ZNF251: variants seen among roughly 807,000 people sequenced by gnomAD.
ZNF251 encodes zinc finger protein 251.
A neutral mutation model predicts 13.5 loss-of-function variants in ZNF251; 14 were observed. That is an observed-to-expected ratio of 1.04 (90% confidence interval 0.69 to 1.63). ZNF251 has a LOEUF of 1.63. Ranked by LOEUF, ZNF251 falls within the 40% of genes most tolerant of loss-of-function variation. The pLI is 0.00. For synonymous variants in ZNF251, 287 were observed against 295.2 expected (o/e 0.97, Z 0.28); for missense variants, 764 against 834.9 (o/e 0.92, Z 1.05).
intron 4 of ZNF251, among the ~76,000 whole-genome samples, chr8:144,736,305 C>T (rs891501043): frequency 1.3e-5 from 2 of 152,118 alleles, no homozygotes; most frequent in Admixed American, 1.3e-4. Flanking sequence ...GACAATTACC[C>T]TTTTACTACT....
At chr8:144,737,567 A>T (rs184056089) in intron 4 of ZNF251, among the ~76,000 whole-genome samples, 2 of 151,626 alleles carry the variant, frequency 1.3e-5, no homozygotes, top group East Asian at 1.9e-4. Context: ...AGTGGCTCAC[A>T]CCTGTAATCC....
At chr8:144,732,484 A>AACT (rs1162687636) in intron 4 of ZNF251, among the ~76,000 whole-genome samples, 1 of 152,162 alleles carries the variant, frequency 6.6e-6, no homozygotes, top group Non-Finnish European at 1.5e-5. Flanking sequence ...CACGATTGAC[A>AACT]GGTCATGGTA....
In ZNF251 at chr8:144,721,410, A is replaced by G. The variant is rs566503391; in HGVS notation, c.*234T>C. Reference sequence around the variant, plus strand: ...CCATTCGTCATGAGTATCCGGATACAGCACCACACGGTTCAACTCCTGAGC... The same window carrying G: ...CCATTCGTCATGAGTATCCGGATACGGCACCACACGGTTCAACTCCTGAGC... On this transcript the variant is annotated 3_prime_UTR_variant, in exon 5 of 5. Transcript: ENST00000292562. 5.6e-4 allele frequency: 240 copies of G among 429,372 alleles called. No homozygotes were observed. The highest frequency in any genetic ancestry group is 7.9e-4 in the Admixed American group (18 of 22,870). 26.6% of individuals were successfully genotyped at this position (429,372 alleles called of 1,614,324 possible).
chr8:144,732,107 T>A (rs1450541880), intron 4 of ZNF251, among the ~76,000 whole-genome samples: 3 of 151,934 alleles, frequency 2.0e-5, no homozygotes, highest in Admixed American at 6.6e-5. Context: ...CACGCCTGGC[T>A]AATTTTTTTA....
rs752277991 is a variant in ZNF251, at chr8:144,723,281, T to C, written c.379A>G (p.Asn127Asp). The change falls in exon 5 of 5, where the codon AAT becomes GAT. Residue 127 changes from asparagine to aspartate, a missense_variant. By Grantham distance (23) the Asn-to-Asp change is conservative (BLOSUM62 1). Transcript: ENST00000292562. The stretch of plus-strand genomic sequence containing the variant: ...TCCCGAAACTCAGCGGCCTGTGCAT[T>C]ATCCCTTAAGAGTCTTCTTGATACA... ...EFVSRRLLRDNAQAAEFREAW... is the reference protein window; with the variant it reads ...EFVSRRLLRDDAQAAEFREAW... The C allele has an allele frequency of 2.9e-5, 47 of 1,610,358 alleles. No homozygotes were observed. Among genetic ancestry groups the C allele is most frequent in the East Asian group, 4.5e-5 (2 of 44,882 alleles).
chr8:144,734,593 T>G lies in ZNF251; in HGVS notation c.278-11211A>C, dbSNP rs1047389843. 2.6e-5 allele frequency among the ~76,000 whole-genome samples: 4 copies of G among 152,104 alleles called. No individual in the cohort carries two copies. The highest frequency in any genetic ancestry group is 9.7e-5 in the African/African-American group (4 of 41,416). On this transcript the variant is annotated intron_variant, in intron 4 of 4. Coordinates refer to ENST00000292562, the MANE Select transcript of ZNF251 (RefSeq NM_138367.2). This position sits in a 1 kb window ranked among gnomAD's most constrained non-coding sequence, Gnocchi z 4.4. ...GGCGCTGGTGGGTGCTGACCCTGGG[T>G]CAGTGACCTCCCACAGAGGTCACTG...
chr8:144,736,039 G>T (rs1376579612), intron 4 of ZNF251, among the ~76,000 whole-genome samples: 6 of 152,174 alleles, frequency 3.9e-5, no homozygotes, highest in Non-Finnish European at 7.3e-5. Context: ...CCTGGACTAA[G>T]AACCGGACCC....
intron 1 of ZNF251, 84 bp downstream of exon 1, chr8:144,755,321 G>T: frequency 7.8e-7 from 1 of 1,281,004 alleles, no homozygotes; most frequent in Non-Finnish European, 1.0e-6. Flanking sequence ...CTCCTGGACT[G>T]GCCGCCGCCT....
Position 144,753,274 on chromosome 8 carries a change from GAAAAAAAAAAAAA to G in ZNF251, c.277+396_277+408del, listed in dbSNP as rs11336657. On this transcript the variant is annotated intron_variant, in intron 4 of 4. Coordinates refer to ENST00000292562, the MANE Select transcript of ZNF251 (RefSeq NM_138367.2). The stretch of plus-strand genomic sequence containing the variant: ...TGGTGACAGAGTGAGATTCTGTCTC[GAAAAAAAAAAAAA>G]AAAAAAAAAAAAGACTACTACTGAC... Among the ~76,000 whole-genome samples, 14 of 41,834 alleles carry G rather than the reference GAAAAAAAAAAAAA, an allele frequency of 3.3e-4. No homozygotes were observed. In the East Asian group the frequency reaches 6.1e-3, roughly 18 times the overall value. 27.4% of individuals were successfully genotyped at this position (41,834 alleles called of 152,430 possible). A position where few individuals can be genotyped will look rare whatever the true frequency, so the allele number is the denominator to read the frequency against.
chr8:144,727,969 C>T (rs1271542233), intron 4 of ZNF251, among the ~76,000 whole-genome samples: 3 of 152,158 alleles, frequency 2.0e-5, no homozygotes, highest in Non-Finnish European at 2.9e-5. Context: ...TGATCCACCA[C>T]GCCTGAAGAA....
chr8:144,724,625 A>G (rs1823467386), intron 4 of ZNF251, among the ~76,000 whole-genome samples: 1 of 152,212 alleles, frequency 6.6e-6, no homozygotes, highest in South Asian at 2.1e-4. Context: ...TGAAATGACT[A>G]CAATGATGCT....
In ZNF251 at chr8:144,754,420, G is replaced by C. The variant is rs1178990304; in HGVS notation, c.34-99C>G. On this transcript the variant is annotated intron_variant, in intron 2 of 4. Coordinates refer to ENST00000292562, the MANE Select transcript of ZNF251 (RefSeq NM_138367.2). ...GTGGGGCCCCACTACCCAGGGCCCT[G>C]CTGTGGTCAGTATGAACTGTGTATC... is the stretch of plus-strand genomic sequence containing the variant. 17 of 1,463,194 alleles carry C rather than the reference G, an allele frequency of 1.2e-5. No homozygotes were observed. The South Asian group carries it at 2.3e-4, about 20-fold the overall frequency. The allele number at this position is 1,463,194 out of a possible 1,614,324, so 90.6% of individuals were successfully genotyped here. A position where few individuals can be genotyped will look rare whatever the true frequency, so the allele number is the denominator to read the frequency against.
rs771541843 is a variant in ZNF251 at position 144,754,328 on chromosome 8, C to A, written c.34-7G>T. The A allele has an allele frequency of 6.3e-7, 1 of 1,599,084 alleles. No homozygotes were observed. Among genetic ancestry groups the A allele is most frequent in the Non-Finnish European group, 8.5e-7 (1 of 1,172,874 alleles). The stretch of plus-strand genomic sequence containing the variant: ...GGAAGGTCAGCGGCATCTCCTGCAA[C>A]AAAACATCGCCGCTGCCCAGGCCAT... On this transcript the variant is annotated splice_polypyrimidine_tract_variant and splice_region_variant and intron_variant, in intron 2 of 4. Coordinates refer to ENST00000292562, the MANE Select transcript of ZNF251 (RefSeq NM_138367.2).
chr8:144,749,925 C>T (rs1824615673), intron 4 of ZNF251, among the ~76,000 whole-genome samples: 1 of 148,972 alleles, frequency 6.7e-6, no homozygotes, highest in South Asian at 2.1e-4. Context: ...CGCTATGCTG[C>T]CTAGGCTGGC....
intron 4 of ZNF251, among the ~76,000 whole-genome samples, chr8:144,746,976 A>G (rs554881389): frequency 7.9e-5 from 12 of 151,996 alleles, no homozygotes; most frequent in Non-Finnish European, 1.2e-4. Context: ...TTTCTGCTTG[A>G]ATTTTTATTT....
intron 4 of ZNF251, among the ~76,000 whole-genome samples, chr8:144,724,059 C>T (rs568453279): frequency 1.3e-5 from 2 of 151,994 alleles, no homozygotes; most frequent in East Asian, 1.9e-4. Flanking sequence ...CTGGGTAACA[C>T]GGTGAAACCC....
intron 4 of ZNF251, among the ~76,000 whole-genome samples, chr8:144,746,608 A>G (rs868633997): frequency 7.9e-5 from 12 of 152,204 alleles, no homozygotes; most frequent in African/African-American, 2.9e-4. Flanking sequence ...AAGTGAACCC[A>G]TCTGAGCCCA....
At chr8:144,737,038 C>T (rs890811364) in intron 4 of ZNF251, among the ~76,000 whole-genome samples, 12 of 141,402 alleles carry the variant, frequency 8.5e-5, no homozygotes, top group African/African-American at 1.9e-4. Flanking sequence ...TCCTGACCTC[C>T]GATGATCCGC....
intron 4 of ZNF251, among the ~76,000 whole-genome samples, chr8:144,732,607 T>A (rs1368870631): frequency 6.7e-6 from 1 of 150,316 alleles, no homozygotes; most frequent in Non-Finnish European, 1.5e-5. Flanking sequence ...GGTCAGGAGA[T>A]GGAGACCATC....
Sources: gnomAD v4.1 joint callset for allele counts (sites outside exome capture counted in the v4.1 genomes callset) on GRCh38, gnomAD v4.1.1 for gene constraint, Gnocchi (gnomAD v3.1) non-coding constraint, MANE v1.5 for transcripts, NCBI Gene and HGNC (gene_info 2026-07-23, HGNC 2026-07-21) for gene names.